ZNF710: variants seen among roughly 807,000 people sequenced by gnomAD.
The protein encoded by ZNF710 is zinc finger protein 710.
ZNF710 carries 13 observed loss-of-function variants against 50.6 expected under a neutral mutation model. That is an observed-to-expected ratio of 0.26 (90% CI 0.17 to 0.41). ZNF710 has a LOEUF of 0.41. Ranked by LOEUF, ZNF710 falls within the 10% of genes least tolerant of loss-of-function variation. ZNF710 has a pLI of 1.00. For synonymous variants in ZNF710, 383 were observed against 397.0 expected (o/e 0.96, Z 0.42); for missense variants, 721 against 936.6 (o/e 0.77, Z 3.01).
intron 1 of ZNF710, among the ~76,000 whole-genome samples, chr15:90,049,165 C>T (rs950116): frequency 0.26 from 39,384 of 152,126 alleles, 6,083 homozygotes; most frequent in East Asian, 0.72. Context: ...CAGTTCCAGG[C>T]ATATCCCATT....
intron 2 of ZNF710, among the ~76,000 whole-genome samples, chr15:90,071,781 C>A (rs1286439473): frequency 6.7e-6 from 1 of 150,342 alleles, no homozygotes; most frequent in Non-Finnish European, 1.5e-5. Context: ...TGGGTTTAAG[C>A]AATTCTACTG....
At chr15:90,000,986 GAAA>G (rs1008052330), upstream of ZNF710, among the ~76,000 whole-genome samples, 2 of 140,810 alleles carry the variant, frequency 1.4e-5, no homozygotes, top group Admixed American at 7.2e-5. Context: ...GCTGAGAGGA[GAAA>G]AAAAAAAGAG....
chr15:90,043,572 T>C (rs1233485028), intron 1 of ZNF710, among the ~76,000 whole-genome samples: 1 of 152,192 alleles, frequency 6.6e-6, no homozygotes, highest in Non-Finnish European at 1.5e-5. Context: ...TTTGTACTTT[T>C]AGGAATTAAC....
intron 1 of ZNF710, among the ~76,000 whole-genome samples, chr15:90,066,473 G>GTTTT: frequency 8.0e-6 from 1 of 124,588 alleles, no homozygotes; most frequent in East Asian, 3.5e-4. Context: ...GATTTTTAAG[G>GTTTT]ATTTTTTTTT....
intron 1 of ZNF710, among the ~76,000 whole-genome samples, chr15:90,050,568 C>T (rs747986375): frequency 1.3e-5 from 2 of 152,188 alleles, no homozygotes; most frequent in African/African-American, 4.8e-5. Flanking sequence ...ATTTGTCTAA[C>T]GGGCTCAGTT....
chr15:90,058,584 TCTGCAGTCA>T (rs898547316), intron 1 of ZNF710, among the ~76,000 whole-genome samples: 18 of 152,166 alleles, frequency 1.2e-4, no homozygotes, highest in Middle Eastern at 3.4e-3. Context: ...CCTCTGTTCC[TCTGCAGTCA>T]CTGTCCTGTG....
At chr15:90,054,199 G>A (rs577652581) in intron 1 of ZNF710, among the ~76,000 whole-genome samples, 7 of 152,140 alleles carry the variant, frequency 4.6e-5, no homozygotes, top group Non-Finnish European at 8.8e-5. Context: ...AGATGAAAGA[G>A]GGAAGAAAGA....
intron 1 of ZNF710, among the ~76,000 whole-genome samples, chr15:90,022,051 C>G (rs1898640466): frequency 6.6e-6 from 1 of 151,512 alleles, no homozygotes; most frequent in Admixed American, 6.6e-5. Context: ...CACTGTACTT[C>G]AGGCTGGGTT....
rs1019244813 is a variant in ZNF710, at chr15:90,034,988, C to T, written c.-28-32122C>T. 2.0e-5 allele frequency among the ~76,000 whole-genome samples: 3 copies of T among 152,204 alleles called. No individual in the cohort carries two copies. The highest frequency in any genetic ancestry group is 2.9e-5 in the Non-Finnish European group (2 of 68,026). On this transcript the variant is annotated intron_variant, in intron 1 of 4. Coordinates refer to ENST00000268154, the MANE Select transcript of ZNF710 (RefSeq NM_198526.4). The surrounding 1 kb of genome is among the most constrained non-coding windows in gnomAD (Gnocchi z 4.0). The stretch of plus-strand genomic sequence containing the variant: ...CTGGTAGAAGGGGTGTCTGGAGGGC[C>T]TCTGCCTTCCGTCATCAGAAGGAGG...
At chr15:90,077,079 G>A (rs1045831022) in intron 4 of ZNF710, among the ~76,000 whole-genome samples, 3 of 152,208 alleles carry the variant, frequency 2.0e-5, no homozygotes, top group Non-Finnish European at 4.4e-5. Flanking sequence ...TAGACAGAAC[G>A]ATCTAGTAAC....
Position 90,067,568 on chromosome 15 carries a change from GTGGCGGCTGCGACGCCC to G in ZNF710, c.435_451del (p.Gly146AlafsTer37), listed in dbSNP as rs778908303. The G allele has an allele frequency of 6.2e-7, 1 of 1,611,250 alleles. No homozygotes were observed. The highest frequency in any genetic ancestry group is 1.3e-5 in the African/African-American group (1 of 74,920). Reference sequence around the variant, plus strand: ...GCAGAAGCCCCCGCCGAGGCGGCCAGTGGCGGCTGCGACGCCCTGGTGCAGAGCAGCGCCGTCAAGAT... The same window carrying G: ...GCAGAAGCCCCCGCCGAGGCGGCCAGTGGTGCAGAGCAGCGCCGTCAAGAT... On this transcript the variant is annotated frameshift_variant, in exon 2 of 5. Coordinates refer to ENST00000268154, the MANE Select transcript of ZNF710 (RefSeq NM_198526.4). LOFTEE classifies it high-confidence loss of function. This position sits in a 1 kb window ranked among gnomAD's most constrained non-coding sequence, Gnocchi z 8.1.
At chr15:90,000,090 T>A (rs904718472), upstream of ZNF710, among the ~76,000 whole-genome samples, 5 of 151,820 alleles carry the variant, frequency 3.3e-5, no homozygotes, top group Non-Finnish European at 7.4e-5. Flanking sequence ...GGGCCCGGCA[T>A]CCAGCAGGTG....
At chr15:90,060,962 A>G (rs1899988692) in intron 1 of ZNF710, among the ~76,000 whole-genome samples, 1 of 152,232 alleles carries the variant, frequency 6.6e-6, no homozygotes, top group Non-Finnish European at 1.5e-5. Flanking sequence ...GCCAACAGGC[A>G]AGCCTGCCTT....
intron 1 of ZNF710, among the ~76,000 whole-genome samples, chr15:90,004,126 A>G (rs191890538): frequency 1.3e-5 from 2 of 152,038 alleles, no homozygotes; most frequent in Admixed American, 1.3e-4. Flanking sequence ...CCAACCAGGC[A>G]TTTCCTACCA....
In ZNF710 at chr15:90,067,160, G is replaced by A. The variant is rs375266395; in HGVS notation, c.23G>A (p.Gly8Glu). The A allele has an allele frequency of 3.7e-6, 6 of 1,605,410 alleles. No homozygotes were observed. The African/African-American group carries it at 8.0e-5, about 22-fold the overall frequency. MEGFMDS[G>E]TQTDAVVVLS... is the part of the protein sequence containing the mutation. ...GGGATGGAGGGCTTCATGGACTCAG[G>A]GACACAGACGGACGCCGTGGTGGTG... Residue 8 changes from glycine (G) to glutamate (E), a missense_variant, in exon 2 of 5, where the codon GGG becomes GAG. Gly to Glu is a moderately conservative substitution (Grantham distance 98, BLOSUM62 -2). Transcript: ENST00000268154. This position sits in a 1 kb window ranked among gnomAD's most constrained non-coding sequence, Gnocchi z 8.1.
At chr15:90,032,186 CAG>C (rs1898968898) in intron 1 of ZNF710, among the ~76,000 whole-genome samples, 1 of 152,086 alleles carries the variant, frequency 6.6e-6, no homozygotes, top group Non-Finnish European at 1.5e-5. Context: ...TTAGTAGAGA[CAG>C]AGTTTTGCCA....
At chr15:90,010,690 A>AT (rs558977846) in intron 1 of ZNF710, among the ~76,000 whole-genome samples, 213 of 152,030 alleles carry the variant, frequency 1.4e-3, no homozygotes, top group African/African-American at 5.1e-3. Flanking sequence ...TGATTGAAAG[A>AT]TTTTTTTCTT....
At chr15:90,071,127 G>C (rs111319001) in intron 2 of ZNF710, among the ~76,000 whole-genome samples, 10 of 152,116 alleles carry the variant, frequency 6.6e-5, no homozygotes, top group South Asian at 2.1e-4. Flanking sequence ...TGGGCGTGGT[G>C]GTGGGCGCCT....
At chr15:90,024,172 A>C (rs1396807623) in intron 1 of ZNF710, among the ~76,000 whole-genome samples, 1 of 152,202 alleles carries the variant, frequency 6.6e-6, no homozygotes, top group East Asian at 1.9e-4. Flanking sequence ...GCATTCCCAG[A>C]AAACAAGATG....
Sources: allele counts gnomAD v4.1 joint callset (sites outside exome capture counted in the v4.1 genomes callset), GRCh38; gene constraint gnomAD v4.1.1; non-coding constraint Gnocchi (gnomAD v3.1); transcripts MANE v1.5; gene names NCBI Gene and HGNC (gene_info 2026-07-23, HGNC 2026-07-21).